ADARB2: variants seen among roughly 807,000 people sequenced by gnomAD.
The protein encoded by ADARB2 is adenosine deaminase RNA specific B2 (inactive), also known as inactive double-stranded RNA-specific editase B2.
ADARB2 carries 25 observed loss-of-function variants against 62.2 expected under a neutral mutation model. The ratio of observed to expected loss-of-function variants is 0.40; its 90% CI spans 0.29 to 0.56. ADARB2 has a LOEUF of 0.56. Among genes scored for constraint, ADARB2 ranks in the 20% least tolerant of loss-of-function variants. ADARB2 has a pLI of 0.43. For synonymous variants in ADARB2, 572 were observed against 500.8 expected (o/e 1.14, Z -1.90); for missense variants, 1,071 against 1,077.4 (o/e 0.99, Z 0.08).
chr10:1,444,684 CCACT>C (rs1238954805), intron 1 of ADARB2, among the ~76,000 whole-genome samples: 2 of 150,708 alleles, frequency 1.3e-5, no homozygotes, highest in African/African-American at 4.9e-5. Context: ...ATCCATCCAC[CCACT>C]CACTCATTCA....
chr10:1,624,795 A>T (rs1369390790), intron 1 of ADARB2, among the ~76,000 whole-genome samples: 1 of 152,228 alleles, frequency 6.6e-6, no homozygotes, highest in African/African-American at 2.4e-5. Context: ...GAGTCTTTAA[A>T]GGTAAAAAAG....
rs572341152 is a variant in ADARB2 at position 1,221,363 on chromosome 10, A to G, written c.1514-4244T>C. Among the ~76,000 whole-genome samples, 9 of 152,060 alleles carry G rather than the reference A, an allele frequency of 5.9e-5. No homozygotes were observed. In the South Asian group the frequency reaches 1.9e-3, roughly 32 times the overall value. ...ATAAAACCCTTGTCTTTTGAGGTCA[A>G]TATCAAGGTAAATAAGGATAGTTTT... On this transcript the variant is annotated intron_variant, in intron 6 of 9. Coordinates refer to ENST00000381312, the MANE Select transcript of ADARB2 (RefSeq NM_018702.4).
intron 1 of ADARB2, among the ~76,000 whole-genome samples, chr10:1,633,549 CATCTATCTATCTATCTATCT>C (rs57536419): frequency 1.3e-3 from 134 of 101,704 alleles, no homozygotes; most frequent in Middle Eastern, 4.5e-3. Flanking sequence ...GTCTATCTAT[CATCTATCTATCTATCTATCT>C]ATCTATCTAT....
intron 1 of ADARB2, among the ~76,000 whole-genome samples, chr10:1,647,351 A>G (rs11250701): frequency 0.3 from 45,153 of 152,142 alleles, 7,495 homozygotes; most frequent in East Asian, 0.43. Context: ...GCATGTATAT[A>G]TGTGTGTGTG....
At chr10:1,677,336 C>T (rs573510632) in intron 1 of ADARB2, among the ~76,000 whole-genome samples, 1 of 152,326 alleles carries the variant, frequency 6.6e-6, no homozygotes, top group South Asian at 2.1e-4. Flanking sequence ...AAGATGGAAA[C>T]AGGTGCAAAA....
At chr10:1,465,855 T>C (rs1192051275) in intron 1 of ADARB2, among the ~76,000 whole-genome samples, 1 of 152,174 alleles carries the variant, frequency 6.6e-6, no homozygotes, top group East Asian at 1.9e-4. Context: ...GCTGACTCAC[T>C]CTCCATCAGC....
chr10:1,518,769 T>A (rs1427891810), intron 1 of ADARB2, among the ~76,000 whole-genome samples: 1 of 151,958 alleles, frequency 6.6e-6, no homozygotes, highest in Admixed American at 6.5e-5. Flanking sequence ...AATGTCTGCA[T>A]GTGGTGTGGT....
chr10:1,639,077 G>A (rs1331548003), intron 1 of ADARB2, among the ~76,000 whole-genome samples: 2 of 152,344 alleles, frequency 1.3e-5, no homozygotes, highest in African/African-American at 2.4e-5. Flanking sequence ...ACAGCAGGGA[G>A]CAGACATGCT....
intron 1 of ADARB2, among the ~76,000 whole-genome samples, chr10:1,655,891 A>T (rs1157150204): frequency 6.6e-6 from 1 of 152,250 alleles, no homozygotes; most frequent in East Asian, 1.9e-4. Context: ...TCATGTTTAC[A>T]TTACAAAAGA....
intron 1 of ADARB2, among the ~76,000 whole-genome samples, chr10:1,517,856 T>C (rs1832024932): frequency 6.6e-6 from 1 of 152,142 alleles, no homozygotes; most frequent in African/African-American, 2.4e-5. Context: ...ATCCCCAGGA[T>C]AGGCACTCTG....
At chr10:1,597,994 A>G (rs1226089259) in intron 1 of ADARB2, among the ~76,000 whole-genome samples, 1 of 152,234 alleles carries the variant, frequency 6.6e-6, no homozygotes, top group Non-Finnish European at 1.5e-5. Context: ...GCTGGAGACC[A>G]TTGTCCTAAG....
intron 8 of ADARB2, among the ~76,000 whole-genome samples, chr10:1,189,032 A>G (rs1836802494): frequency 1.3e-5 from 2 of 150,670 alleles, no homozygotes; most frequent in Admixed American, 1.3e-4. Context: ...TGGAAGGGCC[A>G]TGGCCTCGTG....
chr10:1,392,944 T>C (rs555102272), intron 1 of ADARB2, among the ~76,000 whole-genome samples: 4 of 152,056 alleles, frequency 2.6e-5, no homozygotes, highest in African/African-American at 7.2e-5. Context: ...AAAGAGGTAA[T>C]TGTGTTCAAA....
chr10:1,250,971 C>T (rs1376084643), intron 4 of ADARB2, among the ~76,000 whole-genome samples: 1 of 152,216 alleles, frequency 6.6e-6, no homozygotes, highest in East Asian at 1.9e-4. Context: ...AAGGTAATCA[C>T]ATCTCAAACC....
chr10:1,608,533 A>C (rs1306406475), intron 1 of ADARB2, among the ~76,000 whole-genome samples: 1 of 150,210 alleles, frequency 6.7e-6, no homozygotes, highest in African/African-American at 2.5e-5. Flanking sequence ...AGAATGGAGG[A>C]AGGAAAGTGG....
chr10:1,582,543 C>T (rs1422595924), intron 1 of ADARB2, among the ~76,000 whole-genome samples: 2 of 152,170 alleles, frequency 1.3e-5, no homozygotes, highest in African/African-American at 2.4e-5. Context: ...AGATGAATGA[C>T]AGTCATAGCT....
rs34353456 is a variant in ADARB2, at chr10:1,271,061, T to C, written c.1086A>G (p.Ala362=). 4.1e-5 allele frequency: 66 copies of C among 1,613,720 alleles called. No individual in the cohort carries two copies. Among genetic ancestry groups the C allele is most frequent in the Admixed American group, 6.7e-5 (4 of 59,974 alleles). The change falls in exon 4 of 10, where the codon GCA becomes GCG. Residue 362 remains alanine, a synonymous_variant. Transcript: ENST00000381312. ...GTGTGACCAGCTGGGATATGGAGTC[T>C]GCGAATTCCTGAAAGACACAAGCAC... ...ARRTPMPQEF[A]DSISQLVTQK... is the part of the protein sequence containing the mutation.
chr10:1,272,974 G>T (rs1185893306), intron 3 of ADARB2, among the ~76,000 whole-genome samples: 3 of 152,190 alleles, frequency 2.0e-5, no homozygotes, highest in Non-Finnish European at 4.4e-5. Context: ...GGCGTCCCTG[G>T]GTGGTGGCCG....
intron 1 of ADARB2, among the ~76,000 whole-genome samples, chr10:1,674,066 T>TC (rs1419355798): frequency 1.1e-4 from 16 of 152,180 alleles, no homozygotes; most frequent in African/African-American, 2.4e-5. Context: ...GCTGCTGCAA[T>TC]CCCCTGAAGT....
Sources: gnomAD v4.1 joint callset for allele counts (sites outside exome capture counted in the v4.1 genomes callset) on GRCh38, gnomAD v4.1.1 for gene constraint, MANE v1.5 for transcripts, NCBI Gene and HGNC (gene_info 2026-07-23, HGNC 2026-07-21) for gene names.